Variants in PLPPR5 observed in about 807,000 individuals in gnomAD.
PLPPR5 encodes the protein phospholipid phosphatase-related protein type 5.
PLPPR5 carries 16 observed loss-of-function variants against 33.9 expected under a neutral mutation model. That is an observed-to-expected ratio of 0.47 (90% CI 0.32 to 0.72). The LOEUF is 0.72. Among genes scored for constraint, PLPPR5 ranks in the 30% least tolerant of loss-of-function variants. The pLI, the probability that PLPPR5 is intolerant of heterozygous loss-of-function variation, is 0.03. For missense variants in PLPPR5, 301 were observed against 406.7 expected (o/e 0.74, Z 2.23); for synonymous variants, 163 against 150.3 (o/e 1.08, Z -0.62).
intron 3 of PLPPR5, among the ~76,000 whole-genome samples, chr1:98,929,156 G>A (rs1194730095): frequency 6.6e-6 from 1 of 152,112 alleles, no homozygotes; most frequent in African/African-American, 2.4e-5. Context: ...GAACTTCTCT[G>A]ACTCTTAGTT....
intron 3 of PLPPR5, among the ~76,000 whole-genome samples, chr1:98,934,956 A>C (rs1435822787): frequency 6.6e-6 from 1 of 152,204 alleles, no homozygotes; most frequent in African/African-American, 2.4e-5. Flanking sequence ...AATTAAAAAA[A>C]AATAAAGTGG....
intron 2 of PLPPR5, among the ~76,000 whole-genome samples, chr1:98,953,755 T>C: frequency 6.6e-6 from 1 of 152,192 alleles, no homozygotes; most frequent in South Asian, 2.1e-4. Flanking sequence ...TTGTCTCTCT[T>C]TGATTATGCT....
At chr1:98,947,304 T>C (rs993654064) in intron 3 of PLPPR5, among the ~76,000 whole-genome samples, 2 of 152,198 alleles carry the variant, frequency 1.3e-5, no homozygotes, top group African/African-American at 4.8e-5. Flanking sequence ...GTTGAAGACA[T>C]GGGAATTTCT....
chr1:98,983,500 G>C (rs1227454884), intron 1 of PLPPR5, among the ~76,000 whole-genome samples: 53 of 144,908 alleles, frequency 3.7e-4, no homozygotes, highest in African/African-American at 1.2e-3. Flanking sequence ...TTGGACATTT[G>C]GGTTGGTTCC....
chr1:98,962,710 T>C, intron 1 of PLPPR5, among the ~76,000 whole-genome samples: 1 of 152,182 alleles, frequency 6.6e-6, no homozygotes, highest in East Asian at 1.9e-4. Context: ...AGGGGTGCAG[T>C]TATGGCTCAC....
intron 1 of PLPPR5, among the ~76,000 whole-genome samples, chr1:98,968,723 GA>G (rs935310477): frequency 3.1e-4 from 47 of 150,732 alleles, no homozygotes; most frequent in East Asian, 2.7e-3. Context: ...CCATAAAAGT[GA>G]AAAAAAAATT....
chr1:99,000,224 C>T (rs961085580), intron 1 of PLPPR5, among the ~76,000 whole-genome samples: 4 of 152,102 alleles, frequency 2.6e-5, no homozygotes, highest in African/African-American at 9.7e-5. Context: ...TGTAAATAAG[C>T]CCAAATTACA....
intron 5 of PLPPR5, among the ~76,000 whole-genome samples, chr1:98,912,849 C>A (rs1649204447): frequency 6.6e-6 from 1 of 152,124 alleles, no homozygotes; most frequent in African/African-American, 2.4e-5. Context: ...TTGACACATA[C>A]TGATGATCAT....
intron 3 of PLPPR5, among the ~76,000 whole-genome samples, chr1:98,926,397 G>T (rs1376687125): frequency 1.3e-5 from 2 of 151,270 alleles, no homozygotes; most frequent in Non-Finnish European, 2.9e-5. Context: ...CCGATTTCCA[G>T]ATTTTGATGA....
intron 1 of PLPPR5, among the ~76,000 whole-genome samples, chr1:98,978,771 A>G (rs548726322): frequency 7.2e-5 from 11 of 152,184 alleles, no homozygotes; most frequent in African/African-American, 2.6e-4. Flanking sequence ...GCTTCTATAC[A>G]ATGAACACAT....
Position 98,947,096 on chromosome 1 carries a change from G to A in PLPPR5, c.621+5974C>T, listed in dbSNP as rs142807388. Among the ~76,000 whole-genome samples the A allele has an allele frequency of 4.1e-3, 620 of 152,208 alleles. 4 individuals carry two copies. Among genetic ancestry groups the A allele is most frequent in the Non-Finnish European group, 6.6e-3 (448 of 67,998 alleles). The stretch of plus-strand genomic sequence containing the variant: ...GGCTATCAGCAGTCCCCAAGCCGAC[G>A]TTTGCTAACATAAGAAACCCCAGAC... On this transcript the variant is annotated intron_variant, in intron 3 of 5. Transcript: ENST00000263177.
intron 1 of PLPPR5, among the ~76,000 whole-genome samples, chr1:98,992,758 C>T (rs1652491674): frequency 6.6e-6 from 1 of 152,070 alleles, no homozygotes; most frequent in Non-Finnish European, 1.5e-5. Context: ...AGTATAGTCA[C>T]TCAGAAAAAA....
At chr1:98,900,518 T>A (rs974643099) in intron 5 of PLPPR5, among the ~76,000 whole-genome samples, 1 of 152,124 alleles carries the variant, frequency 6.6e-6, no homozygotes, top group Non-Finnish European at 1.5e-5. Flanking sequence ...ATTTCATATA[T>A]TACGAATCTG....
intron 1 of PLPPR5, among the ~76,000 whole-genome samples, chr1:98,964,638 C>T (rs1366165572): frequency 6.6e-6 from 1 of 152,218 alleles, no homozygotes; most frequent in African/African-American, 2.4e-5. Context: ...CCTACTCCTA[C>T]TCTGCCAAGA....
In PLPPR5 at chr1:99,004,700, G is replaced by A. The variant is rs540215304; in HGVS notation, c.-29C>T. The A allele has an allele frequency of 6.8e-6, 10 of 1,466,838 alleles. No homozygotes were observed. Among genetic ancestry groups the A allele is most frequent in the Middle Eastern group, 1.8e-4 (1 of 5,530 alleles). 90.9% of individuals were successfully genotyped at this position (1,466,838 alleles called of 1,614,324 possible). A position where few individuals can be genotyped will look rare whatever the true frequency, so the allele number is the denominator to read the frequency against. ...CGCCTCCCGGGCCGGGCCGAGCCGA[G>A]CCGAGCGGGCGGTCGACGCGGTGGG... On this transcript the variant is annotated 5_prime_UTR_variant, in exon 1 of 6. Transcript: ENST00000263177.
intron 4 of PLPPR5, among the ~76,000 whole-genome samples, chr1:98,920,859 A>G (rs1040012671): frequency 4.6e-5 from 7 of 152,120 alleles, no homozygotes; most frequent in Non-Finnish European, 1.0e-4. Context: ...CAATGCAAAA[A>G]TATGTTTTGA....
chr1:98,964,992 TG>T (rs1182447019), intron 1 of PLPPR5, among the ~76,000 whole-genome samples: 2,169 of 146,466 alleles, frequency 0.015, 20 homozygotes, highest in Non-Finnish European at 0.017. Context: ...TTTTTTTTTT[TG>T]GTAGAGATGG....
intron 1 of PLPPR5, among the ~76,000 whole-genome samples, chr1:98,966,268 AT>A (rs1368747589): frequency 6.6e-6 from 1 of 152,182 alleles, no homozygotes; most frequent in East Asian, 1.9e-4. Flanking sequence ...AAGTGAACTG[AT>A]TTCAAGAAAA....
chr1:98,991,999 T>C (rs1240254014), intron 1 of PLPPR5, among the ~76,000 whole-genome samples: 2 of 152,168 alleles, frequency 1.3e-5, no homozygotes, highest in African/African-American at 4.8e-5. Context: ...ATCCATCCCA[T>C]ACCCACAGGT....
Sources: allele counts gnomAD v4.1 joint callset (sites outside exome capture counted in the v4.1 genomes callset), GRCh38; gene constraint gnomAD v4.1.1; transcripts MANE v1.5; gene names NCBI Gene and HGNC (gene_info 2026-07-23, HGNC 2026-07-21).